ATL2: variants seen among roughly 807,000 people sequenced by gnomAD.
The protein encoded by ATL2 is atlastin-2.
Under a neutral mutation model 73.9 loss-of-function variants are expected in ATL2, and 31 were observed. That is an observed-to-expected ratio of 0.42 (90% CI 0.32 to 0.57). The LOEUF (loss-of-function observed/expected upper bound fraction) is 0.57, where lower values mean the gene tolerates loss of function less well. Among genes scored for constraint, ATL2 ranks in the 20% least tolerant of loss-of-function variants. ATL2 has a pLI of 0.14. For missense variants in ATL2, 738 were observed against 702.6 expected, an observed-to-expected ratio of 1.05 and a Z score of -0.57; for synonymous variants, 291 against 237.5, an observed-to-expected ratio of 1.23 and a Z score of -2.07.
upstream of ATL2, among the ~76,000 whole-genome samples, chr2:38,377,681 A>C (rs534969663): frequency 6.6e-6 from 1 of 152,174 alleles, no homozygotes; most frequent in African/African-American, 2.4e-5. Flanking sequence ...CTAATCGTTG[A>C]TTCGTGCGTC....
chr2:38,325,631 C>T lies in ATL2; in HGVS notation c.364-6612G>A, dbSNP rs990996605. Among the ~76,000 whole-genome samples the T allele has an allele frequency of 2.1e-4, 14 of 68,006 alleles. 1 individual carries two copies. Among genetic ancestry groups the T allele is most frequent in the African/African-American group, 1.9e-3 (13 of 6,822 alleles). 44.6% of individuals were successfully genotyped at this position (68,006 alleles called of 152,430 possible). On this transcript the variant is annotated intron_variant, in intron 2 of 12. Coordinates refer to ENST00000378954, the MANE Select transcript of ATL2 (RefSeq NM_001135673.4). ...ATCTACACACACACCAGTACATACA[C>T]ACACACACACACACACACACACACA...
intron 9 of ATL2, among the ~76,000 whole-genome samples, chr2:38,304,042 T>G (rs1039968146): frequency 1.3e-5 from 2 of 152,034 alleles, no homozygotes; most frequent in African/African-American, 2.4e-5. Flanking sequence ...GATGGGAGGA[T>G]CACTTGAGGC....
At chr2:38,328,925 G>C (rs1350020907) in intron 2 of ATL2, among the ~76,000 whole-genome samples, 1 of 151,724 alleles carries the variant, frequency 6.6e-6, no homozygotes, top group African/African-American at 2.4e-5. Flanking sequence ...ATTAACTGAA[G>C]AGAGAGGGGA....
intron 1 of ATL2, among the ~76,000 whole-genome samples, chr2:38,346,740 C>T (rs993779075): frequency 6.6e-6 from 1 of 152,178 alleles, no homozygotes; most frequent in Non-Finnish European, 1.5e-5. Flanking sequence ...GCTCGCTCGC[C>T]TGCTACTCCC....
intron 2 of ATL2, among the ~76,000 whole-genome samples, chr2:38,325,385 C>T (rs757572927): frequency 6.6e-6 from 1 of 152,036 alleles, no homozygotes; most frequent in Non-Finnish European, 1.5e-5. Context: ...GGTAGGAACA[C>T]TTAAATGGCA....
At chr2:38,352,072 T>A (rs181876000) in intron 1 of ATL2, among the ~76,000 whole-genome samples, 1 of 140,798 alleles carries the variant, frequency 7.1e-6, no homozygotes, top group East Asian at 2.1e-4. Context: ...GATCGCGCCA[T>A]TGCACTCCAG....
rs1316635284 is a variant in ATL2, at chr2:38,318,983, A to G, written c.400T>C (p.Leu134=). The G allele has an allele frequency of 1.9e-6, 3 of 1,613,926 alleles. No homozygotes were observed. The highest frequency in any genetic ancestry group is 4.5e-5 in the East Asian group (2 of 44,872). ...CCACCTCGCCATGTAAAGCCTGTCA[A>G]TGGTTCATTGTTTCCACCAATCCAA... is the stretch of plus-strand genomic sequence containing the variant. ...QSWIGGNNEP[L]TGFTWRGGCE... is the part of the protein sequence containing the mutation. Residue 134 remains leucine (L), a synonymous_variant, in exon 3 of 13, where the codon TTG becomes CTG. Coordinates refer to ENST00000378954, the MANE Select transcript of ATL2 (RefSeq NM_001135673.4).
At chr2:38,371,275 G>A (rs1265158878) in intron 1 of ATL2, among the ~76,000 whole-genome samples, 1 of 151,662 alleles carries the variant, frequency 6.6e-6, no homozygotes, top group African/African-American at 2.4e-5. Flanking sequence ...GGGAGGCAGA[G>A]ATGGAAGGAT....
chr2:38,300,442 T>C, intron 9 of ATL2, 114 bp from the exon 10 acceptor site: 1 of 677,038 alleles, frequency 1.5e-6, no homozygotes. Context: ...AAGTAAATTC[T>C]AGGCTTTAAA....
At chr2:38,373,596 A>G (rs1671804571) in intron 1 of ATL2, among the ~76,000 whole-genome samples, 1 of 152,180 alleles carries the variant, frequency 6.6e-6, no homozygotes, top group Non-Finnish European at 1.5e-5. Flanking sequence ...CCACACAGCC[A>G]TTTGTCTCAG....
chr2:38,325,661 TACACACACACACACAC>T (rs562138786), intron 2 of ATL2, among the ~76,000 whole-genome samples: 7 of 41,696 alleles, frequency 1.7e-4, no homozygotes, highest in East Asian at 2.3e-3. Flanking sequence ...CACACACCAG[TACACACACACACACAC>T]ACACACACAC....
intron 2 of ATL2, among the ~76,000 whole-genome samples, chr2:38,319,618 AG>A: frequency 2.0e-5 from 2 of 97,662 alleles, no homozygotes; most frequent in Admixed American, 8.9e-5. Context: ...AAAAAAAAAG[AG>A]AGAGAGAGAG....
At chr2:38,307,110 C>A (rs1049411390) in intron 9 of ATL2, among the ~76,000 whole-genome samples, 9 of 152,060 alleles carry the variant, frequency 5.9e-5, no homozygotes, top group African/African-American at 2.2e-4. Flanking sequence ...GTAATCCCAG[C>A]ACTTTGGGAG....
In ATL2 at chr2:38,298,530, G is replaced by A; in HGVS notation, c.1246C>T (p.Arg416Ter). 1.2e-6 allele frequency: 2 copies of A among 1,614,002 alleles called. No homozygotes were observed. Among genetic ancestry groups the A allele is most frequent in the Non-Finnish European group, 8.5e-7 (1 of 1,179,974 alleles). ...ACTTCCTTGAGATCCAAGTGTTTTC[G>A]CTCCAGATCTGAAGGTGCAATGTAA... Reference protein sequence around the residue: ...KPYIAPSDLERKHLDLKEVAI... With the variant: ...KPYIAPSDLE The change falls in exon 12 of 13, where the codon CGA (arginine) becomes TGA (stop). Residue 416 changes from arginine to a stop codon, truncating the protein, a stop_gained. Transcript: ENST00000378954. LOFTEE classifies it high-confidence loss of function.
intron 7 of ATL2, among the ~76,000 whole-genome samples, chr2:38,312,174 C>T (rs1052255184): frequency 4.6e-5 from 7 of 152,094 alleles, no homozygotes; most frequent in African/African-American, 1.7e-4. Flanking sequence ...AGATGGGTAG[C>T]CTGTAAGTAT....
intron 12 of ATL2, chr2:38,296,333 T>C (rs1197188439): frequency 6.9e-7 from 1 of 1,450,630 alleles, no homozygotes; most frequent in Non-Finnish European, 9.0e-7. Flanking sequence ...ACAATTCCTA[T>C]GAGATGGATG....
intron 6 of ATL2, 64 bp downstream of exon 6, chr2:38,314,544 A>G: frequency 8.3e-7 from 1 of 1,205,642 alleles, no homozygotes; most frequent in South Asian, 1.3e-5. Context: ...CCAAAATTAC[A>G]AACTGAGGTG....
At chr2:38,335,983 T>A (rs1343922048) in intron 2 of ATL2, among the ~76,000 whole-genome samples, 1 of 152,132 alleles carries the variant, frequency 6.6e-6, no homozygotes, top group Non-Finnish European at 1.5e-5. Context: ...GCCACTGCAC[T>A]CCAGCCTGGG....
upstream of ATL2, among the ~76,000 whole-genome samples, chr2:38,377,847 G>T (rs1303926432): frequency 6.8e-6 from 1 of 147,594 alleles, no homozygotes; most frequent in Non-Finnish European, 1.5e-5. Context: ...AGTCCCTACT[G>T]TTGCTTCCCC....
Sources: allele counts gnomAD v4.1 joint callset (sites outside exome capture counted in the v4.1 genomes callset), GRCh38; gene constraint gnomAD v4.1.1; transcripts MANE v1.5; gene names NCBI Gene and HGNC (gene_info 2026-07-23, HGNC 2026-07-21).